CACNA2D3: variants seen among roughly 807,000 people sequenced by gnomAD.
CACNA2D3 encodes the protein voltage-dependent calcium channel subunit alpha-2/delta-3.
In CACNA2D3, 60 loss-of-function variants were observed where a neutral mutation model predicts 160.6. The observed-to-expected ratio is 0.37, with a 90% CI of 0.30 to 0.46. CACNA2D3 has a LOEUF of 0.46. Ranked by LOEUF, CACNA2D3 falls within the 20% of genes least tolerant of loss-of-function variation. The probability of loss-of-function intolerance (pLI) is 1.00; values close to 1 mark genes in which losing one functional copy is unlikely to be tolerated. For missense variants in CACNA2D3, 1,205 were observed against 1,365.0 expected, an observed-to-expected ratio of 0.88 and a Z score of 1.85; for synonymous variants, 558 against 492.9, an observed-to-expected ratio of 1.13 and a Z score of -1.75.
chr3:54,960,506 A>G (rs1702005528), intron 27 of CACNA2D3, among the ~76,000 whole-genome samples: 1 of 152,164 alleles, frequency 6.6e-6, no homozygotes, highest in African/African-American at 2.4e-5. Flanking sequence ...TAATTTCTGA[A>G]ATAATACCAT....
chr3:54,645,160 A>G (rs894769401), intron 11 of CACNA2D3, among the ~76,000 whole-genome samples: 1 of 152,224 alleles, frequency 6.6e-6, no homozygotes, highest in African/African-American at 2.4e-5. Context: ...CAGAAGGGGA[A>G]GCAGGCACAT....
At chr3:54,494,394 C>G (rs1281643643) in intron 4 of CACNA2D3, among the ~76,000 whole-genome samples, 1 of 152,188 alleles carries the variant, frequency 6.6e-6, no homozygotes, top group African/African-American at 2.4e-5. Flanking sequence ...CGCCATTGAG[C>G]AAAATCATGC....
intron 9 of CACNA2D3, among the ~76,000 whole-genome samples, chr3:54,603,149 C>T (rs1035475500): frequency 1.3e-5 from 2 of 152,214 alleles, no homozygotes; most frequent in African/African-American, 4.8e-5. Context: ...GCACTGGACA[C>T]AGGCAGAATC....
intron 9 of CACNA2D3, among the ~76,000 whole-genome samples, chr3:54,587,306 C>T (rs933973387): frequency 9.9e-5 from 15 of 152,048 alleles, no homozygotes; most frequent in Non-Finnish European, 1.5e-4. Flanking sequence ...CATGTAATCC[C>T]AGCACTTTGG....
intron 2 of CACNA2D3, among the ~76,000 whole-genome samples, chr3:54,125,350 C>T (rs960101836): frequency 6.6e-6 from 1 of 151,590 alleles, no homozygotes; most frequent in African/African-American, 2.4e-5. Context: ...GCTTCTCTTA[C>T]CTTCTCATCA....
intron 35 of CACNA2D3, among the ~76,000 whole-genome samples, chr3:55,062,119 TTTTG>T (rs1295394592): frequency 6.6e-6 from 1 of 152,172 alleles, no homozygotes; most frequent in East Asian, 1.9e-4. Flanking sequence ...ATCTTTCATT[TTTTG>T]TTTGTTTGTT....
At chr3:54,763,169 T>C (rs992199862) in intron 12 of CACNA2D3, among the ~76,000 whole-genome samples, 1 of 151,290 alleles carries the variant, frequency 6.6e-6, no homozygotes, top group African/African-American at 2.4e-5. Flanking sequence ...CATCATGATA[T>C]GGGCTGAAAT....
At chr3:54,770,369 C>T (rs1702299029) in intron 13 of CACNA2D3, among the ~76,000 whole-genome samples, 1 of 152,060 alleles carries the variant, frequency 6.6e-6, no homozygotes, top group African/African-American at 2.4e-5. Flanking sequence ...CCGATTTTTC[C>T]AAAATAAGCG....
At chr3:54,675,135 C>A (rs510605) in intron 11 of CACNA2D3, among the ~76,000 whole-genome samples, 123,201 of 151,994 alleles carry the variant, frequency 0.81, 51,782 homozygotes, top group Non-Finnish European at 0.93. Context: ...TTGGCAATAC[C>A]TAGCAGAGAA....
chr3:54,525,695 T>A (rs1701713738), intron 5 of CACNA2D3, among the ~76,000 whole-genome samples: 1 of 152,122 alleles, frequency 6.6e-6, no homozygotes, highest in Non-Finnish European at 1.5e-5. Context: ...CTTTTAATGT[T>A]ATGCAGTTTC....
chr3:54,469,049 A>G (rs373395457), intron 4 of CACNA2D3, among the ~76,000 whole-genome samples: 2 of 152,234 alleles, frequency 1.3e-5, no homozygotes, highest in East Asian at 3.9e-4. Flanking sequence ...AGAACAGCCC[A>G]TCTCCCAGCA....
At chr3:55,059,061 T>G (rs1428026772) in intron 35 of CACNA2D3, among the ~76,000 whole-genome samples, 1 of 152,234 alleles carries the variant, frequency 6.6e-6, no homozygotes, top group East Asian at 1.9e-4. Context: ...ATAAAGTACT[T>G]CTCAATGATC....
At chr3:54,578,837 G>T (rs1702629839) in intron 8 of CACNA2D3, among the ~76,000 whole-genome samples, 3 of 152,162 alleles carry the variant, frequency 2.0e-5, no homozygotes, top group Admixed American at 2.0e-4. Context: ...ATCCCCTCTG[G>T]AGCCCCCACA....
chr3:54,223,247 G>A (rs143474275), intron 2 of CACNA2D3, among the ~76,000 whole-genome samples: 1 of 152,206 alleles, frequency 6.6e-6, no homozygotes, highest in Non-Finnish European at 1.5e-5. Context: ...AACCTAGACA[G>A]TATAGCCTGC....
At chr3:54,485,936 A>C (rs1451581165) in intron 4 of CACNA2D3, among the ~76,000 whole-genome samples, 1 of 152,012 alleles carries the variant, frequency 6.6e-6, no homozygotes, top group Non-Finnish European at 1.5e-5. Flanking sequence ...TGGGCCCAAT[A>C]ACTATGCACA....
chr3:54,784,400 C>G (rs369217953), intron 13 of CACNA2D3, among the ~76,000 whole-genome samples: 40 of 151,856 alleles, frequency 2.6e-4, no homozygotes, highest in African/African-American at 9.7e-4. Context: ...CCAGACTACT[C>G]TAGATGGGGG....
chr3:55,007,954 T>G (rs1460445724), intron 33 of CACNA2D3, 112 bp downstream of exon 33: 3 of 655,778 alleles, frequency 4.6e-6, no homozygotes, highest in African/African-American at 3.8e-5. Flanking sequence ...AGATTCCTAG[T>G]ACTCTGAGAT....
intron 16 of CACNA2D3, among the ~76,000 whole-genome samples, chr3:54,846,026 G>T (rs548241780): frequency 5.3e-5 from 8 of 152,236 alleles, no homozygotes; most frequent in Middle Eastern, 3.4e-3. Flanking sequence ...CAGAGAGAAG[G>T]CACCTCCATT....
chr3:54,720,671 A>G (rs545961114), intron 11 of CACNA2D3, among the ~76,000 whole-genome samples: 21 of 152,166 alleles, frequency 1.4e-4, no homozygotes, highest in Admixed American at 2.0e-4. Flanking sequence ...TGCTTATTCT[A>G]TCAGTTGGAA....
Sources: allele counts gnomAD v4.1 joint callset (sites outside exome capture counted in the v4.1 genomes callset), GRCh38; gene constraint gnomAD v4.1.1; transcripts MANE v1.5; gene names NCBI Gene and HGNC (gene_info 2026-07-23, HGNC 2026-07-21).